The following TAGLN3 variants were observed in gnomAD, a reference collection of about 807,000 sequenced individuals.
The protein encoded by TAGLN3 is transgelin-3.
Under a neutral mutation model 25.4 loss-of-function variants are expected in TAGLN3, and 12 were observed. That is an observed-to-expected ratio of 0.47 (90% CI 0.30 to 0.77). The LOEUF (loss-of-function observed/expected upper bound fraction) is 0.77. Among genes scored for constraint, TAGLN3 ranks in the 30% least tolerant of loss-of-function variants. TAGLN3 has a pLI of 0.06. For synonymous variants in TAGLN3, 96 were observed against 94.8 expected (o/e 1.01, Z -0.08); for missense variants, 218 against 255.8 (o/e 0.85, Z 1.01).
At chr3:112,001,052 T>G (rs2072853511) in intron 3 of TAGLN3, 106 bp downstream of exon 3, 2 of 994,948 alleles carry the variant, frequency 2.0e-6, no homozygotes, top group East Asian at 4.8e-5. Flanking sequence ...TTGATGTGTG[T>G]AAGATGCTCT....
At chr3:112,011,571 T>C (rs1316414333) in intron 3 of TAGLN3, among the ~76,000 whole-genome samples, 192 bp from the exon 4 acceptor site, 1 of 152,242 alleles carries the variant, frequency 6.6e-6, no homozygotes, top group Non-Finnish European at 1.5e-5. Flanking sequence ...AGGTTACTTT[T>C]TGTTCCTTTC....
intron 3 of TAGLN3, 45 bp from the exon 4 acceptor site, chr3:112,011,718 T>C (rs2072978774): frequency 6.4e-7 from 1 of 1,565,430 alleles, no homozygotes; most frequent in Non-Finnish European, 8.7e-7. Context: ...CAGCATTCCT[T>C]GGCTCTGACA....
chr3:111,999,257 A>G, intron 1 of TAGLN3, 143 bp downstream of exon 1: 1 of 709,430 alleles, frequency 1.4e-6, no homozygotes. Context: ...GTGAAACCCC[A>G]TTGGCTTCAT....
At chr3:112,008,880 T>A (rs1433830318) in intron 3 of TAGLN3, among the ~76,000 whole-genome samples, 2 of 152,210 alleles carry the variant, frequency 1.3e-5, no homozygotes, top group Non-Finnish European at 2.9e-5. Flanking sequence ...GGGTAATTCA[T>A]AAAGAGGTTT....
At chr3:112,009,193 C>T (rs1477493839) in intron 3 of TAGLN3, among the ~76,000 whole-genome samples, 3 of 152,182 alleles carry the variant, frequency 2.0e-5, no homozygotes, top group African/African-American at 7.2e-5. Context: ...TTGGAGGTCA[C>T]GTTTCGACAT....
Position 112,013,739 on chromosome 3 carries a change from A to G in TAGLN3, c.*188A>G. 1.2e-6 allele frequency: 1 copy of G among 808,950 alleles called. No homozygotes were observed. The highest frequency in any genetic ancestry group is 2.1e-6 in the Non-Finnish European group (1 of 483,320). 50.1% of individuals were successfully genotyped at this position (808,950 alleles called of 1,614,324 possible). A position where few individuals can be genotyped will look rare whatever the true frequency, so the allele number is the denominator to read the frequency against. ...TGCTGCCACCTCCTGTTCATTTAGA[A>G]CTATGCAAAGACTCCGCTTCCGTTT... On this transcript the variant is annotated 3_prime_UTR_variant, in exon 5 of 5. Transcript: ENST00000478951.
chr3:112,001,033 C>T lies in TAGLN3; in HGVS notation c.355+87C>T, dbSNP rs1358741500. 4 of 1,202,746 alleles carry T rather than the reference C, an allele frequency of 3.3e-6. No individual in the cohort carries two copies. The East Asian group carries it at 7.0e-5, about 21-fold the overall frequency. The allele number at this position is 1,202,746 out of a possible 1,614,324, so 74.5% of individuals were successfully genotyped here. A position where few individuals can be genotyped will look rare whatever the true frequency, so the allele number is the denominator to read the frequency against. On this transcript the variant is annotated intron_variant, in intron 3 of 4. Transcript: ENST00000478951. ...TAAAAACTGCTCACAGTGTTCTTCC[C>T]TGTGCCGATTGATGTGTGTAAGATG...
At position 111,999,481 on chromosome 3, in the gene TAGLN3, AG is replaced by A; in HGVS notation, c.60del (p.Lys21SerfsTer22). 1 of 1,614,238 alleles carries A rather than the reference AG, an allele frequency of 6.2e-7. No individual in the cohort carries two copies. Among genetic ancestry groups the A allele is most frequent in the African/African-American group, 1.3e-5 (1 of 75,072 alleles). ...CGAGAGGTGCAGGAGAAGATCGAGC[AG>A]AAGTATGATGCGGACCTGGAGAACA... ...LSREVQEKIE[Q>X]KYDADLENKL... On this transcript the variant is annotated frameshift_variant, in exon 2 of 5. Transcript: ENST00000478951. LOFTEE classifies it high-confidence loss of function.
chr3:112,002,763 G>C (rs56372737), intron 3 of TAGLN3, among the ~76,000 whole-genome samples: 15 of 152,102 alleles, frequency 9.9e-5, no homozygotes, highest in Non-Finnish European at 2.9e-5. Flanking sequence ...TGCTTTACTT[G>C]TCTCTCCCCT....
intron 3 of TAGLN3, among the ~76,000 whole-genome samples, chr3:112,004,332 A>C (rs539043294): frequency 6.6e-5 from 10 of 152,100 alleles, no homozygotes; most frequent in South Asian, 4.2e-4. Context: ...AGACTTCAGC[A>C]TCTTTTCTGT....
intron 3 of TAGLN3, 60 bp downstream of exon 3, chr3:112,001,006 T>G (rs944811700): frequency 4.3e-5 from 64 of 1,476,952 alleles, no homozygotes; most frequent in Non-Finnish European, 5.9e-5. Flanking sequence ...CCCATCTCCT[T>G]GTAAAAACTG....
chr3:112,010,705 A>G (rs1261475921), intron 3 of TAGLN3, among the ~76,000 whole-genome samples: 2 of 152,316 alleles, frequency 1.3e-5, no homozygotes, highest in Admixed American at 1.3e-4. Context: ...ACAGGGCCTC[A>G]GGATTCAGGC....
intron 3 of TAGLN3, among the ~76,000 whole-genome samples, chr3:112,009,608 T>C (rs982235653): frequency 6.6e-6 from 1 of 152,236 alleles, no homozygotes; most frequent in African/African-American, 2.4e-5. Context: ...GTTAACTGAT[T>C]GGGTGACTCT....
chr3:112,000,721 C>T (rs771453866), intron 2 of TAGLN3, 51 bp from the exon 3 acceptor site: 1 of 1,577,314 alleles, frequency 6.3e-7, no homozygotes, highest in East Asian at 2.2e-5. Context: ...TCATTCTTGA[C>T]CTGTAAATAC....
intron 3 of TAGLN3, among the ~76,000 whole-genome samples, chr3:112,004,289 G>C (rs1394832195): frequency 6.6e-6 from 1 of 152,116 alleles, no homozygotes. Context: ...CATCTCAGCT[G>C]TCTATGATTC....
intron 3 of TAGLN3, 43 bp from the exon 4 acceptor site, chr3:112,011,720 G>T (rs2072978831): frequency 6.4e-7 from 1 of 1,574,216 alleles, no homozygotes. Context: ...GCATTCCTTG[G>T]CTCTGACACG....
intron 4 of TAGLN3, 37 bp downstream of exon 4, chr3:112,011,902 G>T: frequency 6.3e-7 from 1 of 1,593,826 alleles, no homozygotes; most frequent in South Asian, 1.1e-5. Flanking sequence ...ACCACAAGGC[G>T]ATTTTAACCA....
At chr3:112,000,540 C>A in intron 2 of TAGLN3, 1 of 417,142 alleles carries the variant, frequency 2.4e-6, no homozygotes. Context: ...CGCTCCCAGG[C>A]TACAGGAATC....
chr3:111,999,359 G>A lies in TAGLN3; in HGVS notation c.-2-62G>A, dbSNP rs373642715. 239 of 1,572,422 alleles carry A rather than the reference G, an allele frequency of 1.5e-4. No individual in the cohort carries two copies. The African/African-American group carries it at 2.7e-3, about 18-fold the overall frequency. On this transcript the variant is annotated intron_variant, in intron 1 of 4. Coordinates refer to ENST00000478951, the MANE Select transcript of TAGLN3 (RefSeq NM_001008272.2). ...GCCATATCCCAGCCCCGTCTGCAGG[G>A]AGCCGGAGGCTGCTGCTGCTGCTAT...
Sources: allele counts gnomAD v4.1 joint callset (sites outside exome capture counted in the v4.1 genomes callset), GRCh38; gene constraint gnomAD v4.1.1; transcripts MANE v1.5; gene names NCBI Gene and HGNC (gene_info 2026-07-23, HGNC 2026-07-21).